The following TMEM143 variants were observed in gnomAD, a reference collection of about 807,000 sequenced individuals.
TMEM143 encodes transmembrane protein 143.
Under a neutral mutation model 40.3 loss-of-function variants are expected in TMEM143, and 45 were observed. The observed-to-expected ratio is 1.12, with a 90% confidence interval of 0.88 to 1.43. The LOEUF is 1.43. Among genes scored for constraint, TMEM143 ranks in the 40% most tolerant of loss-of-function variants. The pLI is 0.00. For synonymous variants in TMEM143, 299 were observed against 282.7 expected (o/e 1.06, Z -0.58); for missense variants, 620 against 613.4 (o/e 1.01, Z -0.11).
intron 3 of TMEM143, among the ~76,000 whole-genome samples, chr19:48,347,539 C>A (rs1005398230): frequency 6.6e-6 from 1 of 151,438 alleles, no homozygotes; most frequent in Non-Finnish European, 1.5e-5. Context: ...ACGGTGAAAT[C>A]CTGTCTCTAC....
At chr19:48,339,624 A>T (rs973126487) in intron 6 of TMEM143, among the ~76,000 whole-genome samples, 1 of 152,140 alleles carries the variant, frequency 6.6e-6, no homozygotes, top group Admixed American at 6.5e-5. Context: ...TTAGGGGACT[A>T]GGGGAGGGGC....
intron 6 of TMEM143, among the ~76,000 whole-genome samples, chr19:48,336,774 T>A (rs1969379119): frequency 6.6e-6 from 1 of 151,450 alleles, no homozygotes; most frequent in South Asian, 2.1e-4. Flanking sequence ...GGCGGGTGGA[T>A]CACGAGGTCA....
At chr19:48,337,578 C>T (rs1219821937) in intron 6 of TMEM143, among the ~76,000 whole-genome samples, 1 of 151,354 alleles carries the variant, frequency 6.6e-6, no homozygotes, top group East Asian at 1.9e-4. Context: ...AACATTGGGA[C>T]AAAGCCTGGC....
At position 48,333,441 on chromosome 19, in the gene TMEM143, G is replaced by C. The variant is rs1316995098; in HGVS notation, c.1166-8C>G. 8.3e-6 allele frequency: 13 copies of C among 1,561,702 alleles called. No individual in the cohort carries two copies. The highest frequency in any genetic ancestry group is 1.4e-5 in the African/African-American group (1 of 73,706). On this transcript the variant is annotated splice_region_variant and splice_polypyrimidine_tract_variant and intron_variant, in intron 7 of 7. Transcript: ENST00000293261. This position sits in a 1 kb window ranked among gnomAD's most constrained non-coding sequence, Gnocchi z 4.1. Reference sequence around the variant, plus strand: ...GGAGCCACCTGGAGGTCTCTGCAAGGGGAGAGGCAGGTGTTCTGAGGTCAC... The same window carrying C: ...GGAGCCACCTGGAGGTCTCTGCAAGCGGAGAGGCAGGTGTTCTGAGGTCAC...
rs200070999 is a variant in TMEM143, at chr19:48,345,220, C to G, written c.504G>C (p.Pro168=). ...CGTAGGCCAGGGTGTCCTCAGACAGCGGGGAGAAGTTGGCCTGGGCCAGCA... is the reference window on the plus strand; with the variant it reads ...CGTAGGCCAGGGTGTCCTCAGACAGGGGGGAGAAGTTGGCCTGGGCCAGCA... The part of the protein sequence containing the change: ...EPLLAQANFS[P]LSEDTLAYAL... The change falls in exon 4 of 8, where the codon CCG becomes CCC. Residue 168 remains proline, a synonymous_variant. Coordinates refer to ENST00000293261, the MANE Select transcript of TMEM143 (RefSeq NM_018273.4). 2 of 1,613,374 alleles carry G rather than the reference C, an allele frequency of 1.2e-6. No homozygotes were observed. The highest frequency in any genetic ancestry group is 3.3e-5 in the Admixed American group (2 of 59,972).
chr19:48,347,008 G>A (rs1278757520), intron 3 of TMEM143, among the ~76,000 whole-genome samples: 2 of 152,068 alleles, frequency 1.3e-5, no homozygotes, highest in African/African-American at 4.8e-5. Context: ...GAAGCTTTCC[G>A]TGATGTTCAA....
chr19:48,351,698 C>T (rs1443960318), intron 3 of TMEM143, among the ~76,000 whole-genome samples: 2 of 152,100 alleles, frequency 1.3e-5, no homozygotes, highest in African/African-American at 2.4e-5. Flanking sequence ...GGCCTTTGCA[C>T]GTGGAGTTCC....
chr19:48,356,222 A>T (rs1969889388), intron 3 of TMEM143, among the ~76,000 whole-genome samples: 1 of 145,164 alleles, frequency 6.9e-6, no homozygotes, highest in South Asian at 2.2e-4. Context: ...GGTTCAAGTG[A>T]TTCTCCTTCC....
At position 48,357,051 on chromosome 19, in the gene TMEM143, C is replaced by T. The variant is rs145448955; in HGVS notation, c.369+3021G>A. ...TCCTGAGTAGCTGGGATGACAGGCA[C>T]ATGCCACCACACCTGGCTAATTTTT... On this transcript the variant is annotated intron_variant, in intron 3 of 7. Coordinates refer to ENST00000293261, the MANE Select transcript of TMEM143 (RefSeq NM_018273.4). Among the ~76,000 whole-genome samples the T allele has an allele frequency of 9.2e-3, 1,400 of 151,670 alleles. 33 individuals carry two copies. The highest frequency in any genetic ancestry group is 0.032 in the African/African-American group (1,324 of 41,320).
At chr19:48,362,249 A>G (rs1198095702) in intron 2 of TMEM143, among the ~76,000 whole-genome samples, 1 of 152,158 alleles carries the variant, frequency 6.6e-6, no homozygotes, top group African/African-American at 2.4e-5. Context: ...TGTTAAATTA[A>G]TGAATGATGG....
intron 3 of TMEM143, among the ~76,000 whole-genome samples, chr19:48,346,540 G>A (rs1355797608): frequency 6.6e-6 from 1 of 151,936 alleles, no homozygotes; most frequent in Non-Finnish European, 1.5e-5. Context: ...ATTATGTAGG[G>A]CTTCTGTTCC....
At chr19:48,338,414 G>A (rs1003221272) in intron 6 of TMEM143, among the ~76,000 whole-genome samples, 4 of 152,150 alleles carry the variant, frequency 2.6e-5, no homozygotes, top group African/African-American at 9.7e-5. Flanking sequence ...GGCACACGAG[G>A]CCCTCCCTGT....
At chr19:48,350,062 G>T (rs1385326983) in intron 3 of TMEM143, among the ~76,000 whole-genome samples, 1 of 142,104 alleles carries the variant, frequency 7.0e-6, no homozygotes, top group Non-Finnish European at 1.5e-5. Flanking sequence ...GTGCAATGGC[G>T]CAATCTTGAC....
intron 6 of TMEM143, among the ~76,000 whole-genome samples, chr19:48,336,413 T>G (rs927043746): frequency 6.6e-6 from 1 of 151,316 alleles, no homozygotes; most frequent in South Asian, 2.1e-4. Context: ...TAATCCCAGC[T>G]ACTTGGGAGG....
At chr19:48,338,336 CT>C (rs1969417467) in intron 6 of TMEM143, among the ~76,000 whole-genome samples, 1 of 152,214 alleles carries the variant, frequency 6.6e-6, no homozygotes, top group Non-Finnish European at 1.5e-5. Flanking sequence ...AGAGCTGCCC[CT>C]GCCCCTCCCC....
At chr19:48,357,502 C>T (rs1056471131) in intron 3 of TMEM143, among the ~76,000 whole-genome samples, 1 of 151,568 alleles carries the variant, frequency 6.6e-6, no homozygotes, top group South Asian at 2.1e-4. Context: ...TACAGGCGCC[C>T]GCCACCACGC....
chr19:48,334,233 G>C (rs776998419), intron 6 of TMEM143, 36 bp from the exon 7 acceptor site: 1 of 1,553,772 alleles, frequency 6.4e-7, no homozygotes, highest in Non-Finnish European at 8.7e-7. Context: ...GCTCAGTTCG[G>C]GGTGCGCCCC....
rs1293496675 is a variant in TMEM143, at chr19:48,347,464, A to G, written c.370-2110T>C. ...ACAGTGGCTCACGCCTGTAATCCCA[A>G]CACTCTGGGAAGCCAAGGTGGGAGG... On this transcript the variant is annotated intron_variant, in intron 3 of 7. Coordinates refer to ENST00000293261, the MANE Select transcript of TMEM143 (RefSeq NM_018273.4). 2.6e-5 allele frequency among the ~76,000 whole-genome samples: 4 copies of G among 152,094 alleles called. No individual in the cohort carries two copies. The East Asian group carries it at 7.7e-4, about 29-fold the overall frequency.
At chr19:48,338,620 G>C (rs556329834) in intron 6 of TMEM143, among the ~76,000 whole-genome samples, 1 of 152,180 alleles carries the variant, frequency 6.6e-6, no homozygotes, top group Non-Finnish European at 1.5e-5. Context: ...ATGCAGCCTC[G>C]GGCTCCTGCT....
Sources: gnomAD v4.1 joint callset for allele counts (sites outside exome capture counted in the v4.1 genomes callset) on GRCh38, gnomAD v4.1.1 for gene constraint, Gnocchi (gnomAD v3.1) non-coding constraint, MANE v1.5 for transcripts, NCBI Gene and HGNC (gene_info 2026-07-23, HGNC 2026-07-21) for gene names.